Variants in PNPT1 observed in about 807,000 individuals in gnomAD.
PNPT1 encodes the protein polyribonucleotide nucleotidyltransferase 1, mitochondrial.
Under a neutral mutation model 119.5 loss-of-function variants are expected in PNPT1, and 53 were observed. That is an observed-to-expected ratio of 0.44 (90% CI 0.36 to 0.56). The LOEUF is 0.56. Ranked by LOEUF, PNPT1 falls within the 20% of genes least tolerant of loss-of-function variation. The probability of loss-of-function intolerance (pLI) is 0.00; values close to 1 mark genes in which losing one functional copy is unlikely to be tolerated. For synonymous variants in PNPT1, 357 were observed against 322.1 expected, an observed-to-expected ratio of 1.11 and a Z score of -1.16; for missense variants, 948 against 938.5, an observed-to-expected ratio of 1.01 and a Z score of -0.13.
chr2:55,651,280 A>G (rs2104053942), intron 18 of PNPT1, among the ~76,000 whole-genome samples: 1 of 151,906 alleles, frequency 6.6e-6, no homozygotes, highest in South Asian at 2.1e-4. Flanking sequence ...GGTGTGCCCA[A>G]CAGCTCATTG....
At chr2:55,679,996 T>C (rs1050715739) in intron 7 of PNPT1, among the ~76,000 whole-genome samples, 4 of 152,176 alleles carry the variant, frequency 2.6e-5, no homozygotes, top group Non-Finnish European at 4.4e-5. Flanking sequence ...TGCTGAAATA[T>C]ACCACTTCTT....
At chr2:55,646,827 C>CATTTT (rs879913536) in intron 19 of PNPT1, among the ~76,000 whole-genome samples, 12 of 151,936 alleles carry the variant, frequency 7.9e-5, no homozygotes, top group Admixed American at 3.3e-4. Flanking sequence ...TTAAAGTAAT[C>CATTTT]ATTTTATTTT....
chr2:55,652,079 T>C (rs1025963249), intron 18 of PNPT1, among the ~76,000 whole-genome samples: 3 of 152,196 alleles, frequency 2.0e-5, no homozygotes, highest in Non-Finnish European at 4.4e-5. Context: ...TAAAATCAGA[T>C]GAAATGTAGC....
intron 18 of PNPT1, among the ~76,000 whole-genome samples, chr2:55,650,914 C>A (rs1572803347): frequency 6.6e-6 from 1 of 150,564 alleles, no homozygotes; most frequent in East Asian, 2.0e-4. Context: ...CAGCCCCCCG[C>A]CCGGCCAGCC....
intron 11 of PNPT1, among the ~76,000 whole-genome samples, chr2:55,670,860 A>G (rs561668859): frequency 5.3e-4 from 81 of 152,284 alleles, no homozygotes; most frequent in Non-Finnish European, 7.5e-4. Flanking sequence ...AGCTACATTC[A>G]TAGAAGTTAA....
intron 8 of PNPT1, among the ~76,000 whole-genome samples, chr2:55,678,250 A>G (rs1240248631): frequency 6.6e-6 from 1 of 152,226 alleles, no homozygotes; most frequent in Non-Finnish European, 1.5e-5. Flanking sequence ...CAAGGCTCCG[A>G]GATGCTCAAA....
intron 18 of PNPT1, among the ~76,000 whole-genome samples, chr2:55,650,447 C>G (rs955228877): frequency 3.3e-5 from 5 of 152,204 alleles, no homozygotes; most frequent in Non-Finnish European, 5.9e-5. Context: ...ACTCCATGCT[C>G]AATGGTGCCC....
chr2:55,678,328 T>C (rs545300754), intron 8 of PNPT1, among the ~76,000 whole-genome samples: 1 of 152,206 alleles, frequency 6.6e-6, no homozygotes, highest in Non-Finnish European at 1.5e-5. Context: ...TACATTTTGA[T>C]AGTTACTCAC....
chr2:55,693,177 A>G (rs573189381), intron 1 of PNPT1, among the ~76,000 whole-genome samples: 57 of 152,272 alleles, frequency 3.7e-4, no homozygotes, highest in Admixed American at 1.2e-3. Context: ...CTCCTGGTGA[A>G]GAGGAGGCTG....
intron 21 of PNPT1, 97 bp from the exon 22 acceptor site, chr2:55,645,529 A>G: frequency 1.4e-6 from 1 of 733,996 alleles, no homozygotes; most frequent in Non-Finnish European, 2.2e-6. Context: ...TAAACCCTGT[A>G]GCTTAATAAT....
intron 6 of PNPT1, 43 bp downstream of exon 6, chr2:55,680,812 A>C (rs781144804): frequency 6.2e-7 from 1 of 1,611,410 alleles, no homozygotes; most frequent in Admixed American, 1.7e-5. Context: ...TGCTTTAAAA[A>C]AATTTTTAAT....
intron 18 of PNPT1, among the ~76,000 whole-genome samples, chr2:55,651,885 C>CAAAAAAAAAAAAAAAA: frequency 2.5e-5 from 3 of 119,774 alleles, no homozygotes; most frequent in Non-Finnish European, 1.7e-5. Flanking sequence ...AAAGGAAAGT[C>CAAAAAAAAAAAAAAAA]AAAAAAAAAA....
chr2:55,658,730 T>C (rs1696469125), intron 15 of PNPT1, among the ~76,000 whole-genome samples: 1 of 152,158 alleles, frequency 6.6e-6, no homozygotes, highest in African/African-American at 2.4e-5. Context: ...CTGGCTTCTG[T>C]AGCACCAGGC....
chr2:55,668,893 C>G (rs1396563428), intron 11 of PNPT1, among the ~76,000 whole-genome samples: 1 of 152,216 alleles, frequency 6.6e-6, no homozygotes, highest in Non-Finnish European at 1.5e-5. Context: ...AGCCACTGTG[C>G]CCGGCCTAAC....
chr2:55,689,468 A>G (rs1420790219), intron 1 of PNPT1, among the ~76,000 whole-genome samples: 3 of 152,234 alleles, frequency 2.0e-5, no homozygotes, highest in African/African-American at 7.2e-5. Context: ...ATGTCCATCA[A>G]CTGATGAATG....
intron 1 of PNPT1, among the ~76,000 whole-genome samples, chr2:55,692,175 G>A (rs1456304051): frequency 6.6e-6 from 1 of 151,958 alleles, no homozygotes; most frequent in African/African-American, 2.4e-5. Flanking sequence ...GTTAGCCACT[G>A]TGCTCGGCCG....
intron 8 of PNPT1, among the ~76,000 whole-genome samples, chr2:55,678,706 C>G (rs1697158802): frequency 6.6e-6 from 1 of 152,198 alleles, no homozygotes; most frequent in South Asian, 2.1e-4. Flanking sequence ...TTTACCACCT[C>G]TGAATTTCTT....
intron 17 of PNPT1, among the ~76,000 whole-genome samples, chr2:55,655,500 C>T (rs923306442): frequency 6.6e-6 from 1 of 152,218 alleles, no homozygotes; most frequent in Non-Finnish European, 1.5e-5. Context: ...TCTTGCTTAT[C>T]AGAAGTAGTT....
intron 11 of PNPT1, among the ~76,000 whole-genome samples, chr2:55,670,943 C>T (rs752175599): frequency 1.1e-4 from 16 of 148,512 alleles, no homozygotes; most frequent in Non-Finnish European, 1.9e-4. Flanking sequence ...ATGAGAGTAA[C>T]ATTTATTTGA....
Sources: gnomAD v4.1 joint callset for allele counts (sites outside exome capture counted in the v4.1 genomes callset) on GRCh38, gnomAD v4.1.1 for gene constraint, MANE v1.5 for transcripts, NCBI Gene and HGNC (gene_info 2026-07-23, HGNC 2026-07-21) for gene names.